BDP1: variants seen among roughly 807,000 people sequenced by gnomAD.
BDP1 encodes transcription factor TFIIIB component B'' homolog.
In BDP1, 169 loss-of-function variants were observed where a neutral mutation model predicts 266.6. The observed-to-expected ratio is 0.63, with a 90% confidence interval of 0.56 to 0.72. BDP1 has a LOEUF of 0.72. BDP1 is among the 30% of genes least tolerant of loss of function. BDP1 has a pLI of 0.00. For missense variants in BDP1, 3,015 were observed against 3,053.8 expected, an observed-to-expected ratio of 0.99 and a Z score of 0.30; for synonymous variants, 1,090 against 1,022.4, an observed-to-expected ratio of 1.07 and a Z score of -1.26.
intron 7 of BDP1, among the ~76,000 whole-genome samples, chr5:71,477,511 G>A (rs1390257582): frequency 1.3e-5 from 2 of 152,082 alleles, no homozygotes; most frequent in African/African-American, 4.8e-5. Context: ...GAGGCAGCTG[G>A]TCCAAGTGCA....
At chr5:71,498,458 C>T (rs1471449085) in intron 13 of BDP1, among the ~76,000 whole-genome samples, 2 of 151,172 alleles carry the variant, frequency 1.3e-5, no homozygotes, top group African/African-American at 4.9e-5. Flanking sequence ...GAGTCTTGCT[C>T]TGTTGCCCAG....
rs774716931 is a variant in BDP1, at chr5:71,509,703, C to T, written c.2611C>T (p.Gln871Ter). 3 of 1,613,736 alleles carry T rather than the reference C, an allele frequency of 1.9e-6. No homozygotes were observed. The highest frequency in any genetic ancestry group is 2.5e-6 in the Non-Finnish European group (3 of 1,179,960). Residue 871 changes from glutamine (Q) to a stop codon, truncating the protein, a stop_gained, in exon 17 of 39, where the codon CAG becomes TAG. Transcript: ENST00000358731. LOFTEE classifies it high-confidence loss of function. ...AGCAGAGATTAATACTAAAGAAATGCAGTCAGATTTAAAAGAAACTGGAAG... is the reference window on the plus strand; with the variant it reads ...AGCAGAGATTAATACTAAAGAAATGTAGTCAGATTTAAAAGAAACTGGAAG... ...VPAEINTKEM[Q>*]SDLKETGRRA...
rs750881126 is a variant in BDP1, at chr5:71,532,406, A to G, written c.5871A>G (p.Glu1957=). 1.2e-6 allele frequency: 2 copies of G among 1,613,592 alleles called. No individual in the cohort carries two copies. The highest frequency in any genetic ancestry group is 1.7e-6 in the Non-Finnish European group (2 of 1,179,794). The part of the protein sequence containing the change: ...TDVTTEEMKQ[E]ENLSVPFEMT... ...TGACTACTGAAGAAATGAAACAAGA[A>G]GAAAATTTGAGTGTACCGTTTGTAA... The change falls in exon 26 of 39, where the codon GAA becomes GAG. Residue 1957 remains glutamate, a synonymous_variant. Coordinates refer to ENST00000358731, the MANE Select transcript of BDP1 (RefSeq NM_018429.3).
chr5:71,499,548 G>T (rs1479679421), intron 13 of BDP1, among the ~76,000 whole-genome samples: 1 of 152,102 alleles, frequency 6.6e-6, no homozygotes, highest in Non-Finnish European at 1.5e-5. Flanking sequence ...GTACCCGGAA[G>T]GGAAGAGGTT....
chr5:71,488,469 C>G (rs1279551966), intron 9 of BDP1, among the ~76,000 whole-genome samples: 6 of 150,652 alleles, frequency 4.0e-5, no homozygotes, highest in Non-Finnish European at 8.9e-5. Context: ...GCTCTTGTTG[C>G]CCAGGCTGGA....
Position 71,516,257 on chromosome 5 carries a change from A to T in BDP1, c.4846A>T (p.Lys1616Ter), listed in dbSNP as rs1765215069. The T allele has an allele frequency of 6.2e-7, 1 of 1,612,024 alleles. No homozygotes were observed. Among genetic ancestry groups the T allele is most frequent in the Non-Finnish European group, 8.5e-7 (1 of 1,178,718 alleles). The part of the protein sequence containing the change: ...TILPKDETEK[K>*]VLTVSNSQIE... Reference sequence around the variant, plus strand: ...ATTACCAAAAGATGAAACTGAAAAGAAAGTCTTAACTGTGGTGAGTTATTG... The same window carrying T: ...ATTACCAAAAGATGAAACTGAAAAGTAAGTCTTAACTGTGGTGAGTTATTG... Residue 1616 changes from lysine to a stop codon, truncating the protein, a stop_gained, in exon 21 of 39, where the codon AAA becomes TAA. Transcript: ENST00000358731. LOFTEE classifies it high-confidence loss of function.
chr5:71,530,523 C>A (rs1227982502), intron 25 of BDP1, among the ~76,000 whole-genome samples: 1 of 151,994 alleles, frequency 6.6e-6, no homozygotes, highest in East Asian at 1.9e-4. Flanking sequence ...GGATTACAGG[C>A]ATGAGCTACC....
chr5:71,537,005 G>A (rs1259066590), intron 26 of BDP1, among the ~76,000 whole-genome samples: 2 of 152,064 alleles, frequency 1.3e-5, no homozygotes, highest in African/African-American at 4.8e-5. Context: ...GCACATGTCT[G>A]TAATCCCAGT....
chr5:71,521,883 A>G (rs1765514149), intron 22 of BDP1, among the ~76,000 whole-genome samples: 1 of 151,446 alleles, frequency 6.6e-6, no homozygotes, highest in Non-Finnish European at 1.5e-5. Flanking sequence ...ACTGTCATAT[A>G]TTTGTTCATG....
rs750445736 is a variant in BDP1 at position 71,544,481 on chromosome 5, T to C, written c.6537T>C (p.Ile2179=). The stretch of plus-strand genomic sequence containing the variant: ...TACATGGTATCAAAGGGACCAGTAT[T>C]TCTTCAGAAGTAAACCTAACTGAAA... ...ACVHGIKGTS[I]SSEVNLTERN... is the part of the protein sequence containing the mutation. The change falls in exon 31 of 39, where the codon ATT becomes ATC. Residue 2179 remains isoleucine (I), a synonymous_variant. Transcript: ENST00000358731. 1.4e-5 allele frequency: 23 copies of C among 1,612,948 alleles called. No individual in the cohort carries two copies. The Admixed American group carries it at 3.7e-4, about 26-fold the overall frequency.
chr5:71,508,775 A>G (rs1459799583), intron 16 of BDP1, among the ~76,000 whole-genome samples: 1 of 152,236 alleles, frequency 6.6e-6, no homozygotes, highest in Non-Finnish European at 1.5e-5. Context: ...AATAAACAGA[A>G]AGCAAAACAA....
chr5:71,568,266 C>T (rs1744142515), downstream of BDP1, among the ~76,000 whole-genome samples: 1 of 152,180 alleles, frequency 6.6e-6, no homozygotes, highest in African/African-American at 2.4e-5. Context: ...CTGTTTGCTG[C>T]AGCATCGCAT....
chr5:71,502,883 A>G, intron 15 of BDP1, 92 bp downstream of exon 15: 1 of 867,096 alleles, frequency 1.2e-6, no homozygotes, highest in East Asian at 2.5e-5. Context: ...ACATACATAC[A>G]TACATACATT....
chr5:71,542,585 G>T (rs1432180689), intron 30 of BDP1, among the ~76,000 whole-genome samples: 1 of 152,014 alleles, frequency 6.6e-6, no homozygotes, highest in African/African-American at 2.4e-5. Flanking sequence ...AGAAATTTGT[G>T]TATAGGCTGG....
At chr5:71,525,813 G>T (rs573025325) in intron 25 of BDP1, among the ~76,000 whole-genome samples, 1 of 151,996 alleles carries the variant, frequency 6.6e-6, no homozygotes, top group Admixed American at 6.5e-5. Context: ...TGGCTGCTGG[G>T]CGGAGGGGCT....
In BDP1 at chr5:71,491,321, C is replaced by CCATTATCATTAT. The variant is rs1291016508; in HGVS notation, c.1640+191_1640+192insATTATCATTATC. Among the ~76,000 whole-genome samples, 5 of 151,760 alleles carry CCATTATCATTAT rather than the reference C, an allele frequency of 3.3e-5. No individual in the cohort carries two copies. The East Asian group carries it at 9.7e-4, about 29-fold the overall frequency. ...AGGATTGTTTTGTCTTGGTGAAATT[C>CCATTATCATTAT]CCTTTATCATTATGTACTATCCTTC... On this transcript the variant is annotated intron_variant, in intron 11 of 38. Transcript: ENST00000358731.
At chr5:71,502,378 C>T (rs922394527) in intron 14 of BDP1, among the ~76,000 whole-genome samples, 7 of 151,704 alleles carry the variant, frequency 4.6e-5, no homozygotes, top group Non-Finnish European at 8.8e-5. Context: ...TTAACCATGT[C>T]GGCCAGGCTG....
intron 25 of BDP1, among the ~76,000 whole-genome samples, chr5:71,530,336 G>C (rs1766159209): frequency 6.6e-6 from 1 of 152,142 alleles, no homozygotes; most frequent in Non-Finnish European, 1.5e-5. Context: ...CCAGGCTCAA[G>C]CAATCCTCCC....
chr5:71,553,027 T>G, intron 34 of BDP1, 89 bp from the exon 35 acceptor site: 1 of 1,108,948 alleles, frequency 9.0e-7, no homozygotes, highest in South Asian at 1.6e-5. Flanking sequence ...TTAACTTTAT[T>G]ATTGGAAGGA....
Sources: gnomAD v4.1 joint callset for allele counts (sites outside exome capture counted in the v4.1 genomes callset) on GRCh38, gnomAD v4.1.1 for gene constraint, MANE v1.5 for transcripts, NCBI Gene and HGNC (gene_info 2026-07-23, HGNC 2026-07-21) for gene names.